Variants in DPY19L1 observed in about 807,000 individuals in gnomAD.
DPY19L1 encodes the protein dpy-19 like C-mannosyltransferase 1, also known as protein C-mannosyl-transferase DPY19L1.
A neutral mutation model predicts 96.9 loss-of-function variants in DPY19L1; 35 were observed. That is an observed-to-expected ratio of 0.36 (90% confidence interval 0.28 to 0.48). The LOEUF (loss-of-function observed/expected upper bound fraction) is 0.48. Ranked by LOEUF, DPY19L1 falls within the 20% of genes least tolerant of loss-of-function variation. The pLI is 0.99. For synonymous variants in DPY19L1, 205 were observed against 252.6 expected (o/e 0.81, Z 1.79); for missense variants, 521 against 777.9 (o/e 0.67, Z 3.93).
At chr7:34,956,486 A>C (rs1182950165) in intron 11 of DPY19L1, among the ~76,000 whole-genome samples, 1 of 151,708 alleles carries the variant, frequency 6.6e-6, no homozygotes, top group Admixed American at 6.6e-5. Flanking sequence ...CACTGGGAAG[A>C]GGCATATTTT....
chr7:34,941,761 T>C lies in DPY19L1; in HGVS notation c.1689+4A>G. 1 of 1,597,946 alleles carries C rather than the reference T, an allele frequency of 6.3e-7. No individual in the cohort carries two copies. The highest frequency in any genetic ancestry group is 8.5e-7 in the Non-Finnish European group (1 of 1,176,210). ...AGTAGCTATACTCCAACATAACATGTTACCTGTCTTGAGCAGATCAGTGAT... is the reference window on the plus strand; with the variant it reads ...AGTAGCTATACTCCAACATAACATGCTACCTGTCTTGAGCAGATCAGTGAT... On this transcript the variant is annotated splice_donor_region_variant and intron_variant, in intron 18 of 21. Transcript: ENST00000638088.
intron 1 of DPY19L1, among the ~76,000 whole-genome samples, chr7:35,020,862 C>A (rs751520129): frequency 6.6e-6 from 1 of 152,040 alleles, no homozygotes; most frequent in African/African-American, 2.4e-5. Flanking sequence ...GTAAATGCCA[C>A]CATGCCTGGC....
rs555241950 is a variant in DPY19L1, at chr7:34,994,118, A to C, written c.765-4177T>G. 3.9e-5 allele frequency among the ~76,000 whole-genome samples: 6 copies of C among 152,286 alleles called. No homozygotes were observed. The South Asian group carries it at 1.2e-3, about 32-fold the overall frequency. On this transcript the variant is annotated intron_variant, in intron 6 of 21. Coordinates refer to ENST00000638088, the MANE Select transcript of DPY19L1 (RefSeq NM_001366673.1). ...TAAGAGTCAAGTACTAAAAGTTAAA[A>C]CTTCTAGAAATACAAAGAGAACATG... is the stretch of plus-strand genomic sequence containing the variant.
rs936525843 is a variant in DPY19L1 at position 34,930,212 on chromosome 7, C to T, written c.*1361G>A. ...ATGTGTAGTCTGTCAGCCATAGTCACGCTTTGCTTAGAATTTAAAACCCTA... is the reference window on the plus strand; with the variant it reads ...ATGTGTAGTCTGTCAGCCATAGTCATGCTTTGCTTAGAATTTAAAACCCTA... On this transcript the variant is annotated 3_prime_UTR_variant, in exon 22 of 22. Coordinates refer to ENST00000638088, the MANE Select transcript of DPY19L1 (RefSeq NM_001366673.1). The T allele has an allele frequency of 7.2e-5, 11 of 152,192 alleles. No individual in the cohort carries two copies. Among genetic ancestry groups the T allele is most frequent in the Admixed American group, 4.6e-4 (7 of 15,280 alleles). The allele number at this position is 152,192 out of a possible 1,614,324, so 9.4% of individuals were successfully genotyped here.
Position 35,037,269 on chromosome 7 carries a change from G to A in DPY19L1, c.126C>T (p.Arg42=). 1 of 314,826 alleles carries A rather than the reference G, an allele frequency of 3.2e-6. No homozygotes were observed. Among genetic ancestry groups the A allele is most frequent in the East Asian group, 4.7e-5 (1 of 21,090 alleles). The allele number at this position is 314,826 out of a possible 1,614,324, so 19.5% of individuals were successfully genotyped here. A position where few individuals can be genotyped will look rare whatever the true frequency, so the allele number is the denominator to read the frequency against. ...DVGAGEPGPE[R]APLSPGRKGA... ...CCTTGCGCCCCGGGGACAGGGGCGC[G>A]CGCTCGGGCCCCGGCTCCCCGGCGC... Residue 42 remains arginine (R), a synonymous_variant, in exon 1 of 22, where the codon CGC becomes CGT. Coordinates refer to ENST00000638088, the MANE Select transcript of DPY19L1 (RefSeq NM_001366673.1).
At chr7:34,941,051 A>G (rs1279402491) in intron 18 of DPY19L1, among the ~76,000 whole-genome samples, 1 of 152,126 alleles carries the variant, frequency 6.6e-6, no homozygotes, top group Admixed American at 6.5e-5. Flanking sequence ...CTTTCTCCAC[A>G]TGTCTACAGA....
intron 6 of DPY19L1, chr7:35,000,395 G>A (rs1201554638): frequency 6.6e-6 from 1 of 152,200 alleles, no homozygotes; most frequent in African/African-American, 2.4e-5. Context: ...CATCTTACCT[G>A]GAGAATGAGG....
intron 6 of DPY19L1, among the ~76,000 whole-genome samples, chr7:35,005,517 G>A (rs1429595550): frequency 6.6e-6 from 1 of 151,226 alleles, no homozygotes; most frequent in East Asian, 2.0e-4. Flanking sequence ...AAGTTTTATT[G>A]GCCAGGCACA....
chr7:35,024,077 C>T (rs1295228903), intron 1 of DPY19L1, among the ~76,000 whole-genome samples: 1 of 151,916 alleles, frequency 6.6e-6, no homozygotes, highest in African/African-American at 2.4e-5. Context: ...GCCTTGTGAT[C>T]CCCCCGCCTC....
intron 17 of DPY19L1, 144 bp downstream of exon 17, chr7:34,942,471 G>C: frequency 1.4e-6 from 1 of 691,670 alleles, no homozygotes; most frequent in South Asian, 1.7e-5. Context: ...TCTGCATATA[G>C]CATTCTCATA....
chr7:35,009,154 A>G (rs1785639861), intron 6 of DPY19L1, among the ~76,000 whole-genome samples: 1 of 152,234 alleles, frequency 6.6e-6, no homozygotes, highest in African/African-American at 2.4e-5. Flanking sequence ...CTCTTTTGAC[A>G]AATGCTTATC....
chr7:35,019,229 C>T (rs531970974), intron 1 of DPY19L1, among the ~76,000 whole-genome samples: 1 of 152,104 alleles, frequency 6.6e-6, no homozygotes, highest in Non-Finnish European at 1.5e-5. Context: ...TGATGGCAGG[C>T]TTCTGATTAA....
At chr7:34,936,434 T>C (rs1463294124) in intron 21 of DPY19L1, among the ~76,000 whole-genome samples, 3 of 152,190 alleles carry the variant, frequency 2.0e-5, no homozygotes, top group Non-Finnish European at 2.9e-5. Context: ...ACGAAAATTA[T>C]TTTTATGTTC....
In DPY19L1 at chr7:35,037,338, T is replaced by C. The variant is rs1344857143; in HGVS notation, c.57A>G (p.Pro19=). ...TCAGCGGCGACTGTGAGGCGCGGGGTGGCTGGGGCGGCTTGGGAGCCGCCT... is the reference window on the plus strand; with the variant it reads ...TCAGCGGCGACTGTGAGGCGCGGGGCGGCTGGGGCGGCTTGGGAGCCGCCT... ...HREAAPKPPQ[P]PRASQSPLRG... The change falls in exon 1 of 22, where the codon CCA becomes CCG. Residue 19 remains proline, a synonymous_variant. Transcript: ENST00000638088. The C allele has an allele frequency of 2.8e-6, 1 of 355,544 alleles. No homozygotes were observed. Among genetic ancestry groups the C allele is most frequent in the Non-Finnish European group, 5.0e-6 (1 of 199,190 alleles). The allele number at this position is 355,544 out of a possible 1,614,324, so 22.0% of individuals were successfully genotyped here.
At chr7:34,969,929 T>G (rs1382697900) in intron 8 of DPY19L1, among the ~76,000 whole-genome samples, 8 of 152,292 alleles carry the variant, frequency 5.3e-5, no homozygotes, top group Admixed American at 2.0e-4. Context: ...ACTACTGCAA[T>G]AATGCAGAAT....
intron 16 of DPY19L1, 122 bp from the exon 17 acceptor site, chr7:34,942,761 C>T (rs1464411815): frequency 6.0e-5 from 45 of 755,652 alleles, no homozygotes; most frequent in South Asian, 1.0e-4. Flanking sequence ...AGGACACACA[C>T]AGGCAAATCA....
intron 8 of DPY19L1, among the ~76,000 whole-genome samples, chr7:34,971,695 G>C (rs927881756): frequency 6.6e-6 from 1 of 152,148 alleles, no homozygotes; most frequent in Non-Finnish European, 1.5e-5. Context: ...AAAAGACAAT[G>C]ATAAGAGACT....
intron 16 of DPY19L1, among the ~76,000 whole-genome samples, chr7:34,944,597 T>C (rs189611768): frequency 2.1e-4 from 32 of 152,026 alleles, no homozygotes; most frequent in African/African-American, 7.7e-4. Context: ...AATTATCCTA[T>C]ACACACACAC....
intron 3 of DPY19L1, among the ~76,000 whole-genome samples, chr7:35,016,013 C>A (rs1224924423): frequency 6.6e-6 from 1 of 152,128 alleles, no homozygotes; most frequent in Non-Finnish European, 1.5e-5. Flanking sequence ...AAAAAAAAAT[C>A]TAATCTTGTT....
Sources: allele counts gnomAD v4.1 joint callset (sites outside exome capture counted in the v4.1 genomes callset), GRCh38; gene constraint gnomAD v4.1.1; transcripts MANE v1.5; gene names NCBI Gene and HGNC (gene_info 2026-07-23, HGNC 2026-07-21).